NAB1: variants seen among roughly 807,000 people sequenced by gnomAD.
NAB1 encodes NGFI-A-binding protein 1.
NAB1 carries 25 observed loss-of-function variants against 49.9 expected under a neutral mutation model. The ratio of observed to expected loss-of-function variants is 0.50; its 90% CI spans 0.37 to 0.70. The LOEUF (loss-of-function observed/expected upper bound fraction) is 0.70. Among genes scored for constraint, NAB1 ranks in the 30% least tolerant of loss-of-function variants. NAB1 has a pLI of 0.00. For synonymous variants in NAB1, 198 were observed against 215.6 expected (o/e 0.92, Z 0.71); for missense variants, 489 against 575.9 (o/e 0.85, Z 1.54).
rs1694313043 is a variant in NAB1 at position 190,663,191 on chromosome 2, G to T, written c.819+3196G>T. 6.6e-6 allele frequency among the ~76,000 whole-genome samples: 1 copy of T among 152,106 alleles called. No individual in the cohort carries two copies. Among genetic ancestry groups the T allele is most frequent in the African/African-American group, 2.4e-5 (1 of 41,410 alleles). On this transcript the variant is annotated intron_variant, in intron 4 of 9. Transcript: ENST00000337386. The surrounding 1 kb of genome is among the most constrained non-coding windows in gnomAD (Gnocchi z 4.2). ...AATGAATTATGGTAGTCTATTTCTT[G>T]AGTCAATTTTGGTAAGTTACATTTT... is the stretch of plus-strand genomic sequence containing the variant.
chr2:190,690,400 T>C lies in NAB1; in HGVS notation c.*67T>C, dbSNP rs923803610. 6 of 1,218,524 alleles carry C rather than the reference T, an allele frequency of 4.9e-6. No homozygotes were observed. In the African/African-American group the frequency reaches 9.0e-5, roughly 18 times the overall value. The allele number at this position is 1,218,524 out of a possible 1,614,324, so 75.5% of individuals were successfully genotyped here. ...TAAGGATAATACTCCATCATAGAAA[T>C]AAGCCTTAATAACCAGTGTTGCCTC... On this transcript the variant is annotated 3_prime_UTR_variant, in exon 10 of 10. Transcript: ENST00000337386.
At chr2:190,668,835 AACTGCAAATGGTACCAAACCTTATATAT>A (rs1253575070) in intron 4 of NAB1, among the ~76,000 whole-genome samples, 1 of 152,200 alleles carries the variant, frequency 6.6e-6, no homozygotes, top group Non-Finnish European at 1.5e-5. Context: ...GGATGCCTGA[AACTGCAAATGGTACCAAACCTTATATAT>A]ACTGTTCGTC....
intron 4 of NAB1, among the ~76,000 whole-genome samples, chr2:190,662,351 G>A (rs909693322): frequency 5.3e-5 from 8 of 150,392 alleles, no homozygotes; most frequent in African/African-American, 1.7e-4. Context: ...AATGTACACC[G>A]TAAAGAATTA....
Position 190,682,232 on chromosome 2 carries a change from A to G in NAB1, c.1006-1506A>G, listed in dbSNP as rs1335203168. Among the ~76,000 whole-genome samples the G allele has an allele frequency of 6.6e-6, 1 of 152,222 alleles. No homozygotes were observed. Among genetic ancestry groups the G allele is most frequent in the African/African-American group, 2.4e-5 (1 of 41,448 alleles). ...GTATTGATATACTTACTTATTTAGT[A>G]ATTATTACATGCTGAAGGCATTATC... On this transcript the variant is annotated intron_variant, in intron 6 of 9. Transcript: ENST00000337386. The surrounding 1 kb of genome is among the most constrained non-coding windows in gnomAD (Gnocchi z 4.1).
rs1695123518 is a variant in NAB1 at position 190,677,354 on chromosome 2, G to C, written c.1005+4202G>C. On this transcript the variant is annotated intron_variant, in intron 6 of 9. Transcript: ENST00000337386. This position sits in a 1 kb window ranked among gnomAD's most constrained non-coding sequence, Gnocchi z 5.6. ...TATATGAGATGGACATGGAGAAAAA[G>C]ATCGCCTGCTAGCTTAGGTGTGCCT... 1 of 152,112 alleles carries C rather than the reference G, an allele frequency of 6.6e-6. No homozygotes were observed. The highest frequency in any genetic ancestry group is 2.4e-5 in the African/African-American group (1 of 41,410). 9.4% of individuals were successfully genotyped at this position (152,112 alleles called of 1,614,324 possible).
intron 6 of NAB1, among the ~76,000 whole-genome samples, chr2:190,681,070 C>T (rs1695316126): frequency 6.6e-6 from 1 of 152,060 alleles, no homozygotes; most frequent in South Asian, 2.1e-4. Flanking sequence ...AGTTAAAGCC[C>T]GTCCAGCTTA....
At position 190,679,734 on chromosome 2, in the gene NAB1, A is replaced by C. The variant is rs1695238798; in HGVS notation, c.1006-4004A>C. 6.6e-6 allele frequency among the ~76,000 whole-genome samples: 1 copy of C among 152,180 alleles called. No homozygotes were observed. Among genetic ancestry groups the C allele is most frequent in the Non-Finnish European group, 1.5e-5 (1 of 68,032 alleles). On this transcript the variant is annotated intron_variant, in intron 6 of 9. Coordinates refer to ENST00000337386, the MANE Select transcript of NAB1 (RefSeq NM_005966.4). This position sits in a 1 kb window ranked among gnomAD's most constrained non-coding sequence, Gnocchi z 5.3. ...CCTGAGATCACACAGCTGGTTCCTA[A>C]TGTGAAATGCCTAGATCATACCTTT...
In NAB1 at chr2:190,654,018, C is replaced by T. The variant is rs1433912230; in HGVS notation, c.-196-1959C>T. Among the ~76,000 whole-genome samples, 1 of 152,186 alleles carries T rather than the reference C, an allele frequency of 6.6e-6. No individual in the cohort carries two copies. Among genetic ancestry groups the T allele is most frequent in the African/African-American group, 2.4e-5 (1 of 41,448 alleles). On this transcript the variant is annotated intron_variant, in intron 2 of 9. Coordinates refer to ENST00000337386, the MANE Select transcript of NAB1 (RefSeq NM_005966.4). The surrounding 1 kb of genome is among the most constrained non-coding windows in gnomAD (Gnocchi z 5.6). ...TGAGATACTGGTTTACACAGAAGGC[C>T]TCCCCTTTGGAATATGAAAGGTTGC...
rs1695810764 is a variant in NAB1 at position 190,689,533 on chromosome 2, G to C, written c.1376-712G>C. On this transcript the variant is annotated intron_variant, in intron 9 of 9. Coordinates refer to ENST00000337386, the MANE Select transcript of NAB1 (RefSeq NM_005966.4). The surrounding 1 kb of genome is among the most constrained non-coding windows in gnomAD (Gnocchi z 4.3). ...GTGTATGTGATGTGGATGTTTGCAT[G>C]TATATGTGTGTGTACATATCTCCCA... 6.6e-6 allele frequency among the ~76,000 whole-genome samples: 1 copy of C among 152,144 alleles called. No individual in the cohort carries two copies. Among genetic ancestry groups the C allele is most frequent in the African/African-American group, 2.4e-5 (1 of 41,436 alleles).
At chr2:190,660,750 A>G (rs1694179994) in intron 4 of NAB1, among the ~76,000 whole-genome samples, 1 of 151,996 alleles carries the variant, frequency 6.6e-6, no homozygotes, top group Admixed American at 6.6e-5. Context: ...CCCTACATAT[A>G]CTTTTGTCAC....
chr2:190,672,801 G>A (rs1694880617), intron 5 of NAB1, among the ~76,000 whole-genome samples: 2 of 147,678 alleles, frequency 1.4e-5, no homozygotes, highest in South Asian at 2.2e-4. Flanking sequence ...AACATAGTGA[G>A]ACCCCATCTT....
Position 190,677,755 on chromosome 2 carries a change from C to T in NAB1, c.1005+4603C>T, listed in dbSNP as rs938395064. ...ACCCAGACAGGCTCAGTATCTTCAC[C>T]TGTGTTGCCAAACTGCTATCCAGTA... On this transcript the variant is annotated intron_variant, in intron 6 of 9. Transcript: ENST00000337386. This position sits in a 1 kb window ranked among gnomAD's most constrained non-coding sequence, Gnocchi z 5.6. 6.6e-6 allele frequency among the ~76,000 whole-genome samples: 1 copy of T among 152,160 alleles called. No individual in the cohort carries two copies. Among genetic ancestry groups the T allele is most frequent in the African/African-American group, 2.4e-5 (1 of 41,434 alleles).
In NAB1 at chr2:190,682,555, A is replaced by C. The variant is rs888430389; in HGVS notation, c.1006-1183A>C. Among the ~76,000 whole-genome samples, 2 of 152,240 alleles carry C rather than the reference A, an allele frequency of 1.3e-5. No homozygotes were observed. Among genetic ancestry groups the C allele is most frequent in the Non-Finnish European group, 2.9e-5 (2 of 68,040 alleles). On this transcript the variant is annotated intron_variant, in intron 6 of 9. Transcript: ENST00000337386. The surrounding 1 kb of genome is among the most constrained non-coding windows in gnomAD (Gnocchi z 4.1). ...GATCGTTAGCCACATTTCATGTAACAAAATTAATTTCAGATAGGTCAGAGG... is the reference window on the plus strand; with the variant it reads ...GATCGTTAGCCACATTTCATGTAACCAAATTAATTTCAGATAGGTCAGAGG...
At position 190,666,953 on chromosome 2, in the gene NAB1, A is replaced by G. The variant is rs1296515438; in HGVS notation, c.820-3373A>G. On this transcript the variant is annotated intron_variant, in intron 4 of 9. Coordinates refer to ENST00000337386, the MANE Select transcript of NAB1 (RefSeq NM_005966.4). This position sits in a 1 kb window ranked among gnomAD's most constrained non-coding sequence, Gnocchi z 5.6. ...ATTTTCATTTTTCTTTTGTAATTAT[A>G]TCATGATAGTTATTGATGTGTTCAT... 1.3e-5 allele frequency among the ~76,000 whole-genome samples: 2 copies of G among 152,186 alleles called. No individual in the cohort carries two copies. Among genetic ancestry groups the G allele is most frequent in the South Asian group, 2.1e-4 (1 of 4,828 alleles).
intron 4 of NAB1, among the ~76,000 whole-genome samples, chr2:190,665,195 C>T (rs1231872139): frequency 2.0e-5 from 3 of 151,946 alleles, no homozygotes; most frequent in African/African-American, 7.3e-5. Context: ...TGGTGGCGGG[C>T]ACCTGTAGTC....
chr2:190,659,806 GC>G lies in NAB1; in HGVS notation c.632del (p.Pro211GlnfsTer5), dbSNP rs1559228843. ...GTGTGGAGCGGATGGCCCCCACACT[GC>G]CAAAAAGTGACTTGAATGAAGTGAA... is the stretch of plus-strand genomic sequence containing the variant. The part of the protein sequence containing the change: ...ECVERMAPTL[P>X]KSDLNEVKEL... On this transcript the variant is annotated frameshift_variant, in exon 4 of 10. Coordinates refer to ENST00000337386, the MANE Select transcript of NAB1 (RefSeq NM_005966.4). LOFTEE classifies it high-confidence loss of function. This position sits in a 1 kb window ranked among gnomAD's most constrained non-coding sequence, Gnocchi z 6.2. 1 of 1,614,170 alleles carries G rather than the reference GC, an allele frequency of 6.2e-7. No homozygotes were observed. The highest frequency in any genetic ancestry group is 1.1e-5 in the South Asian group (1 of 91,086).
Position 190,670,270 on chromosome 2 carries a change from G to A in NAB1, c.820-56G>A, listed in dbSNP as rs543031273. The A allele has an allele frequency of 1.3e-6, 2 of 1,490,216 alleles. No homozygotes were observed. Among genetic ancestry groups the A allele is most frequent in the Admixed American group, 4.2e-5 (2 of 47,240 alleles). 92.3% of individuals were successfully genotyped at this position (1,490,216 alleles called of 1,614,324 possible). On this transcript the variant is annotated intron_variant, in intron 4 of 9. Coordinates refer to ENST00000337386, the MANE Select transcript of NAB1 (RefSeq NM_005966.4). The surrounding 1 kb of genome is among the most constrained non-coding windows in gnomAD (Gnocchi z 5.3). Reference sequence around the variant, plus strand: ...TCTTATATTTTAAGTGAAACCTTTTGCATTTTGATGAAATTAAAATGTTCT... The same window carrying A: ...TCTTATATTTTAAGTGAAACCTTTTACATTTTGATGAAATTAAAATGTTCT...
rs1277063955 is a variant in NAB1 at position 190,678,731 on chromosome 2, A to G, written c.1006-5007A>G. Among the ~76,000 whole-genome samples, 4 of 152,210 alleles carry G rather than the reference A, an allele frequency of 2.6e-5. No homozygotes were observed. Among genetic ancestry groups the G allele is most frequent in the Non-Finnish European group, 5.9e-5 (4 of 68,036 alleles). ...GGAAAGAGGTTCAGAATATCCACCT[A>G]CGCTGCTACTAAGCTTGTTGAAAAG... On this transcript the variant is annotated intron_variant, in intron 6 of 9. Coordinates refer to ENST00000337386, the MANE Select transcript of NAB1 (RefSeq NM_005966.4). This position sits in a 1 kb window ranked among gnomAD's most constrained non-coding sequence, Gnocchi z 4.9.
At chr2:190,683,623 C>A in intron 6 of NAB1, 115 bp from the exon 7 acceptor site, 1 of 666,602 alleles carries the variant, frequency 1.5e-6, no homozygotes, top group Non-Finnish European at 2.5e-6. Context: ...CCATTAAAAT[C>A]TTAATCATGA....
Sources: allele counts gnomAD v4.1 joint callset (sites outside exome capture counted in the v4.1 genomes callset), GRCh38; gene constraint gnomAD v4.1.1; non-coding constraint Gnocchi (gnomAD v3.1); transcripts MANE v1.5; gene names NCBI Gene and HGNC (gene_info 2026-07-23, HGNC 2026-07-21).